Variants in CSMD3 observed in about 807,000 individuals in gnomAD.
The protein encoded by CSMD3 is CUB and Sushi multiple domains 3, also known as CUB and sushi domain-containing protein 3.
Under a neutral mutation model 435.2 loss-of-function variants are expected in CSMD3, and 177 were observed. The ratio of observed to expected loss-of-function variants is 0.41; its 90% CI spans 0.36 to 0.46. The LOEUF is 0.46. Among genes scored for constraint, CSMD3 ranks in the 20% least tolerant of loss-of-function variants. CSMD3 has a pLI of 0.34. For missense variants in CSMD3, 4,265 were observed against 4,504.6 expected (o/e 0.95, Z 1.52); for synonymous variants, 1,656 against 1,520.5 (o/e 1.09, Z -2.07).
At chr8:113,136,224 G>A (rs765110480) in intron 4 of CSMD3, among the ~76,000 whole-genome samples, 7 of 151,654 alleles carry the variant, frequency 4.6e-5, no homozygotes, top group African/African-American at 7.2e-5. Context: ...AGCCATCGCA[G>A]ACAAGTAAGT....
intron 13 of CSMD3, among the ~76,000 whole-genome samples, chr8:112,775,811 T>TAG (rs2078232215): frequency 1.3e-5 from 2 of 152,042 alleles, no homozygotes; most frequent in East Asian, 3.9e-4. Context: ...CATCTTTGCA[T>TAG]AAAATATACA....
intron 5 of CSMD3, among the ~76,000 whole-genome samples, chr8:113,034,623 A>C (rs1448496830): frequency 6.6e-6 from 1 of 152,152 alleles, no homozygotes. Flanking sequence ...AGAGTGTTTC[A>C]GAACACTGAA....
At chr8:113,115,467 C>G (rs540907700) in intron 4 of CSMD3, among the ~76,000 whole-genome samples, 1 of 152,266 alleles carries the variant, frequency 6.6e-6, no homozygotes, top group East Asian at 1.9e-4. Flanking sequence ...CTTGCTATTT[C>G]CATCCTGAAG....
chr8:113,160,271 T>C (rs951688866), intron 4 of CSMD3, among the ~76,000 whole-genome samples: 9 of 151,906 alleles, frequency 5.9e-5, no homozygotes, highest in Non-Finnish European at 1.0e-4. Flanking sequence ...TTTTCTTCTA[T>C]ATTAACAACC....
chr8:113,123,491 CTTAAG>C (rs1162851665), intron 4 of CSMD3, among the ~76,000 whole-genome samples: 4 of 152,004 alleles, frequency 2.6e-5, no homozygotes, highest in Non-Finnish European at 4.4e-5. Context: ...CATATTCTTT[CTTAAG>C]TTATTTATGT....
intron 33 of CSMD3, 73 bp downstream of exon 33, chr8:112,408,846 A>T: frequency 6.2e-7 from 1 of 1,610,104 alleles, no homozygotes; most frequent in South Asian, 1.1e-5. Flanking sequence ...ATAAATCTCA[A>T]CTTTCACTAC....
At chr8:112,608,058 A>C (rs961358131) in intron 22 of CSMD3, among the ~76,000 whole-genome samples, 6 of 152,092 alleles carry the variant, frequency 3.9e-5, no homozygotes, top group African/African-American at 9.7e-5. Context: ...GAAAACTCTA[A>C]AGACTCCACC....
chr8:112,969,843 T>C (rs1281185086), intron 7 of CSMD3, among the ~76,000 whole-genome samples: 1 of 151,936 alleles, frequency 6.6e-6, no homozygotes, highest in Non-Finnish European at 1.5e-5. Context: ...TAAAGCAAAA[T>C]ACAGTGGAGT....
At chr8:112,258,068 G>A (rs1173015072) in intron 61 of CSMD3, among the ~76,000 whole-genome samples, 1 of 152,126 alleles carries the variant, frequency 6.6e-6, no homozygotes, top group Non-Finnish European at 1.5e-5. Context: ...TGGGAAAACT[G>A]GTGAGCCATA....
intron 12 of CSMD3, among the ~76,000 whole-genome samples, chr8:112,807,077 G>A (rs1486909986): frequency 6.6e-6 from 1 of 152,116 alleles, no homozygotes; most frequent in Non-Finnish European, 1.5e-5. Context: ...CCACTTATGT[G>A]CTGTGCACAG....
intron 13 of CSMD3, among the ~76,000 whole-genome samples, chr8:112,691,519 T>C (rs186255443): frequency 2.2e-4 from 33 of 152,242 alleles, no homozygotes; most frequent in Non-Finnish European, 1.6e-4. Flanking sequence ...TTTTTTCTTT[T>C]GCTTGTTTCT....
chr8:112,638,979 C>G (rs1343492253), intron 20 of CSMD3, 68 bp from the exon 21 acceptor site: 1 of 1,082,236 alleles, frequency 9.2e-7, no homozygotes, highest in East Asian at 2.5e-5. Context: ...TACTGTCAAA[C>G]TAACTATTAG....
chr8:113,022,275 C>T (rs1220506906), intron 5 of CSMD3, among the ~76,000 whole-genome samples: 1 of 152,042 alleles, frequency 6.6e-6, no homozygotes, highest in Non-Finnish European at 1.5e-5. Flanking sequence ...TGTCAAATCA[C>T]TGTGGTCATT....
chr8:112,905,547 T>C (rs555358778), intron 10 of CSMD3, among the ~76,000 whole-genome samples: 1 of 151,540 alleles, frequency 6.6e-6, no homozygotes, highest in Non-Finnish European at 1.5e-5. Context: ...CACAAATTTA[T>C]TTTACAATTT....
chr8:112,819,664 C>T (rs1370759045), intron 12 of CSMD3, among the ~76,000 whole-genome samples: 3 of 152,056 alleles, frequency 2.0e-5, no homozygotes, highest in African/African-American at 7.2e-5. Context: ...TGAGGGAGAA[C>T]AGAAAGTTTT....
chr8:113,212,793 G>C (rs1440432371), intron 3 of CSMD3, among the ~76,000 whole-genome samples: 2 of 151,192 alleles, frequency 1.3e-5, no homozygotes, highest in Admixed American at 1.3e-4. Flanking sequence ...ATGTAAATGA[G>C]GAGTTAATGG....
chr8:112,570,998 T>TTTTTA (rs778550464), intron 24 of CSMD3, among the ~76,000 whole-genome samples: 145 of 152,208 alleles, frequency 9.5e-4, no homozygotes, highest in Non-Finnish European at 1.8e-3. Context: ...CAATTATTAA[T>TTTTTA]TTTTATTTTA....
chr8:112,947,652 T>C, intron 9 of CSMD3, 138 bp downstream of exon 9: 2 of 508,554 alleles, frequency 3.9e-6, no homozygotes, highest in South Asian at 3.2e-5. Context: ...TAATTAGATA[T>C]TATTAATAAC....
At chr8:113,406,764 T>A (rs966848938) in intron 1 of CSMD3, among the ~76,000 whole-genome samples, 8 of 152,228 alleles carry the variant, frequency 5.3e-5, no homozygotes, top group Admixed American at 4.6e-4. Flanking sequence ...ATTATGATTA[T>A]TTGAAACAAT....
Sources: allele counts gnomAD v4.1 joint callset (sites outside exome capture counted in the v4.1 genomes callset), GRCh38; gene constraint gnomAD v4.1.1; transcripts MANE v1.5; gene names NCBI Gene and HGNC (gene_info 2026-07-23, HGNC 2026-07-21).